Variants in RIN2 observed in about 807,000 individuals in gnomAD.
RIN2 encodes the protein RAB5 interacting protein 2.
Under a neutral mutation model 78.0 loss-of-function variants are expected in RIN2, and 36 were observed. The ratio of observed to expected loss-of-function variants is 0.46; its 90% CI spans 0.35 to 0.61. The LOEUF (loss-of-function observed/expected upper bound fraction) is 0.61, where lower values mean the gene tolerates loss of function less well. RIN2 is among the 20% of genes least tolerant of loss of function. The pLI, the probability that RIN2 is intolerant of heterozygous loss-of-function variation, is 0.00. For missense variants in RIN2, 1,087 were observed against 1,159.7 expected (o/e 0.94, Z 0.91); for synonymous variants, 466 against 466.8 (o/e 1.00, Z 0.02).
chr20:19,954,070 G>C (rs1051135801), intron 4 of RIN2, among the ~76,000 whole-genome samples: 2 of 152,150 alleles, frequency 1.3e-5, no homozygotes, highest in Non-Finnish European at 2.9e-5. Context: ...AAGTTAGGAC[G>C]GGGGTCTCTG....
intron 2 of RIN2, among the ~76,000 whole-genome samples, chr20:19,805,438 G>A (rs2035377241): frequency 6.6e-6 from 1 of 152,144 alleles, no homozygotes; most frequent in African/African-American, 2.4e-5. Flanking sequence ...GTCTCACTCT[G>A]TCACCCAGGC....
chr20:19,914,193 C>G (rs1222962194), intron 3 of RIN2, among the ~76,000 whole-genome samples: 1 of 152,198 alleles, frequency 6.6e-6, no homozygotes, highest in Non-Finnish European at 1.5e-5. Flanking sequence ...TTTAACCACT[C>G]ACCTGATGCT....
intron 3 of RIN2, among the ~76,000 whole-genome samples, chr20:19,924,716 CTTTTTTTTTTTTTTTTTTTTTTTTT>C (rs869199855): frequency 1.6e-3 from 18 of 10,984 alleles, no homozygotes; most frequent in African/African-American, 6.3e-3. Context: ...ATCCCCACCT[CTTTTTTTTTTTTTTTTTTTTTTTTT>C]TTTTTTTTTT....
chr20:19,891,750 TGGAGGTTGCA>T (rs11471277), intron 3 of RIN2, among the ~76,000 whole-genome samples: 95,304 of 151,112 alleles, frequency 0.63, 30,275 homozygotes, highest in African/African-American at 0.72. Context: ...ACCTGGGAGG[TGGAGGTTGCA>T]GGAGGTTGCA....
intron 2 of RIN2, among the ~76,000 whole-genome samples, chr20:19,824,157 C>T (rs1376238608): frequency 1.3e-5 from 2 of 152,140 alleles, no homozygotes; most frequent in Admixed American, 1.3e-4. Flanking sequence ...ATCTAGGCTC[C>T]CTCCCAATGG....
At chr20:19,908,059 G>A (rs1481116632) in intron 3 of RIN2, among the ~76,000 whole-genome samples, 1 of 152,174 alleles carries the variant, frequency 6.6e-6, no homozygotes, top group Non-Finnish European at 1.5e-5. Flanking sequence ...CCTCATGCCT[G>A]TAACATTGAC....
In RIN2 at chr20:19,989,999, T is replaced by C. The variant is rs376278543; in HGVS notation, c.1763-7T>C. On this transcript the variant is annotated splice_polypyrimidine_tract_variant and splice_region_variant and intron_variant, in intron 9 of 12. Transcript: ENST00000255006. ...AATAGTCATAGTAGCTACACTTTCT[T>C]TGGCAGATGTGGTGCTGGAAAAAGC... 5.2e-6 allele frequency: 8 copies of C among 1,536,500 alleles called. No individual in the cohort carries two copies. The South Asian group carries it at 7.7e-5, about 15-fold the overall frequency.
At chr20:19,920,290 T>C (rs2941017) in intron 3 of RIN2, among the ~76,000 whole-genome samples, 37,085 of 145,510 alleles carry the variant, frequency 0.25, 6,006 homozygotes, top group East Asian at 0.54. Context: ...AGCGAGACTC[T>C]GTCTCAAAAA....
chr20:19,851,876 A>G (rs1284338597), intron 2 of RIN2, among the ~76,000 whole-genome samples: 1 of 152,144 alleles, frequency 6.6e-6, no homozygotes, highest in African/African-American at 2.4e-5. Flanking sequence ...GTATACAACA[A>G]CAAGCACTTC....
intron 3 of RIN2, among the ~76,000 whole-genome samples, chr20:19,923,182 C>T (rs2039997879): frequency 6.6e-6 from 1 of 152,122 alleles, no homozygotes; most frequent in African/African-American, 2.4e-5. Context: ...CTTTGGGAGG[C>T]TGAGGCGGGT....
At chr20:19,915,352 C>A (rs1316925355) in intron 3 of RIN2, among the ~76,000 whole-genome samples, 3 of 152,138 alleles carry the variant, frequency 2.0e-5, no homozygotes, top group Non-Finnish European at 1.5e-5. Context: ...ACTGCCATCC[C>A]TCCTTGGCTG....
intron 4 of RIN2, among the ~76,000 whole-genome samples, chr20:19,942,031 A>G (rs956879343): frequency 2.7e-5 from 4 of 150,324 alleles, no homozygotes. Context: ...AATTGCTTGA[A>G]CCTGAAAGAT....
intron 2 of RIN2, among the ~76,000 whole-genome samples, chr20:19,880,585 G>A (rs1464069124): frequency 6.6e-6 from 1 of 151,656 alleles, no homozygotes; most frequent in Non-Finnish European, 1.5e-5. Context: ...ATGAGGTTTT[G>A]CTGTGCTGCT....
intron 3 of RIN2, among the ~76,000 whole-genome samples, chr20:19,918,191 C>T (rs2039761582): frequency 6.6e-6 from 1 of 152,118 alleles, no homozygotes; most frequent in Admixed American, 6.6e-5. Context: ...CCAGAAGAGG[C>T]ACTGGAAACC....
chr20:19,859,786 A>G lies in RIN2; in HGVS notation c.-36-29780A>G, dbSNP rs572369043. Among the ~76,000 whole-genome samples the G allele has an allele frequency of 2.0e-5, 3 of 152,326 alleles. No homozygotes were observed. The East Asian group carries it at 5.8e-4, about 29-fold the overall frequency. On this transcript the variant is annotated intron_variant, in intron 2 of 12. Transcript: ENST00000255006. ...CCAAATTCAGCTCATTATCTTTTCC[A>G]TAAATCTTTCCCTTCCTCACCTGCG...
intron 9 of RIN2, among the ~76,000 whole-genome samples, chr20:19,989,474 C>G (rs138204040): frequency 0.02 from 3,097 of 152,106 alleles, 122 homozygotes; most frequent in African/African-American, 0.07. Flanking sequence ...TGGGGTTTCA[C>G]TATGTTGATC....
chr20:19,903,804 C>T (rs752638665), intron 3 of RIN2, among the ~76,000 whole-genome samples: 6 of 152,126 alleles, frequency 3.9e-5, no homozygotes, highest in Non-Finnish European at 5.9e-5. Context: ...TCAGGCTTTC[C>T]AGAAGTAAAG....
intron 2 of RIN2, among the ~76,000 whole-genome samples, chr20:19,848,188 T>G (rs889674063): frequency 1.3e-5 from 2 of 152,152 alleles, no homozygotes; most frequent in African/African-American, 4.8e-5. Flanking sequence ...AGTTATATGA[T>G]ATGTGTACTT....
intron 1 of RIN2, among the ~76,000 whole-genome samples, chr20:19,768,223 TCCCTAGAAGCAGAC>T (rs1233782459): frequency 6.6e-6 from 1 of 152,144 alleles, no homozygotes; most frequent in African/African-American, 2.4e-5. Flanking sequence ...CAGACCAGGT[TCCCTAGAAGCAGAC>T]CCCGAGGTGA....
Sources: allele counts gnomAD v4.1 joint callset (sites outside exome capture counted in the v4.1 genomes callset), GRCh38; gene constraint gnomAD v4.1.1; transcripts MANE v1.5; gene names NCBI Gene and HGNC (gene_info 2026-07-23, HGNC 2026-07-21).